NTM: variants seen among roughly 807,000 people sequenced by gnomAD.
NTM encodes IgLON family member 2.
NTM carries 13 observed loss-of-function variants against 42.1 expected under a neutral mutation model. The observed-to-expected ratio is 0.31, with a 90% CI of 0.20 to 0.49. The LOEUF (loss-of-function observed/expected upper bound fraction) is 0.49, where lower values mean the gene tolerates loss of function less well. Ranked by LOEUF, NTM falls within the 20% of genes least tolerant of loss-of-function variation. NTM has a pLI of 0.99. For synonymous variants in NTM, 187 were observed against 179.2 expected (o/e 1.04, Z -0.35); for missense variants, 373 against 452.8 (o/e 0.82, Z 1.60).
At chr11:132,270,653 AT>A (rs56926246) in intron 4 of NTM, among the ~76,000 whole-genome samples, 121 of 147,614 alleles carry the variant, frequency 8.2e-4, no homozygotes, top group Middle Eastern at 3.5e-3. Context: ...ATTTATTTTT[AT>A]TTTTTTTTTT....
At chr11:132,215,201 G>A (rs537298331) in intron 4 of NTM, among the ~76,000 whole-genome samples, 1 of 152,204 alleles carries the variant, frequency 6.6e-6, no homozygotes. Context: ...GTCATTCTTC[G>A]AGGGTAGATC....
At chr11:131,586,086 C>T (rs933597400) in intron 1 of NTM, among the ~76,000 whole-genome samples, 6 of 152,012 alleles carry the variant, frequency 3.9e-5, no homozygotes, top group Non-Finnish European at 7.4e-5. Context: ...AGTGTGTTAG[C>T]CTTTTAAAAC....
At chr11:132,321,457 C>G (rs540809084) in intron 7 of NTM, among the ~76,000 whole-genome samples, 22 of 151,656 alleles carry the variant, frequency 1.5e-4, no homozygotes, top group Non-Finnish European at 2.9e-4. Context: ...TGAAATGAAG[C>G]GAGAAGGAAA....
intron 1 of NTM, among the ~76,000 whole-genome samples, chr11:131,789,806 A>T (rs975225450): frequency 6.7e-6 from 1 of 150,070 alleles, no homozygotes; most frequent in Admixed American, 6.6e-5. Flanking sequence ...AATACAAAAA[A>T]TTAGCCGGGT....
intron 1 of NTM, among the ~76,000 whole-genome samples, chr11:131,791,947 A>C (rs553523083): frequency 2.0e-5 from 3 of 152,330 alleles, no homozygotes; most frequent in African/African-American, 7.2e-5. Context: ...GTTTGTCATA[A>C]GCCTAAGGTT....
intron 3 of NTM, among the ~76,000 whole-genome samples, chr11:132,179,431 GGA>G (rs1566394741): frequency 6.6e-6 from 1 of 152,070 alleles, no homozygotes; most frequent in African/African-American, 2.4e-5. Context: ...ACGTGTGTGT[GGA>G]GAGAGAGACA....
intron 1 of NTM, among the ~76,000 whole-genome samples, chr11:131,640,898 C>G (rs2065048676): frequency 6.6e-6 from 1 of 152,166 alleles, no homozygotes; most frequent in South Asian, 2.1e-4. Context: ...TCTTTGCTCA[C>G]CAGGCTACAG....
intron 1 of NTM, among the ~76,000 whole-genome samples, chr11:131,574,222 A>G (rs1469349147): frequency 6.6e-6 from 1 of 152,074 alleles, no homozygotes; most frequent in Non-Finnish European, 1.5e-5. Context: ...GTTATAGTGA[A>G]CCATTCAGGG....
intron 1 of NTM, among the ~76,000 whole-genome samples, chr11:131,381,101 C>G (rs143392699): frequency 6.6e-6 from 1 of 152,128 alleles, no homozygotes; most frequent in Non-Finnish European, 1.5e-5. Context: ...TAATGGTGAA[C>G]TGCTCAGATC....
At chr11:132,267,321 A>G (rs185907980) in intron 4 of NTM, among the ~76,000 whole-genome samples, 1 of 152,314 alleles carries the variant, frequency 6.6e-6, no homozygotes, top group African/African-American at 2.4e-5. Context: ...TCATCGGAAG[A>G]CATGCTATCA....
At chr11:132,221,466 G>T (rs79926368) in intron 4 of NTM, among the ~76,000 whole-genome samples, 226 of 152,258 alleles carry the variant, frequency 1.5e-3, no homozygotes, top group African/African-American at 5.0e-3. Flanking sequence ...TGCAGACGTG[G>T]GTTCCAAGCC....
intron 1 of NTM, among the ~76,000 whole-genome samples, chr11:131,546,000 C>T (rs544681664): frequency 6.6e-6 from 1 of 152,192 alleles, no homozygotes; most frequent in South Asian, 2.1e-4. Context: ...GGGAGGGGGA[C>T]CTTTACATGT....
At chr11:132,260,581 A>C (rs2139527780) in intron 4 of NTM, among the ~76,000 whole-genome samples, 1 of 152,342 alleles carries the variant, frequency 6.6e-6, no homozygotes, top group African/African-American at 2.4e-5. Flanking sequence ...ACTCAGTGTT[A>C]AGCTGAAATT....
chr11:132,317,784 T>TAA (rs2095469788), intron 7 of NTM: 23 of 695,312 alleles, frequency 3.3e-5, no homozygotes, highest in South Asian at 3.2e-4. Flanking sequence ...CACTTGTCTG[T>TAA]AAAGTGTCTT....
chr11:131,902,466 T>C (rs1327269616), intron 1 of NTM, among the ~76,000 whole-genome samples: 2 of 152,178 alleles, frequency 1.3e-5, no homozygotes, highest in Admixed American at 6.5e-5. Context: ...AACTAAACAT[T>C]TAGAACCTTA....
intron 1 of NTM, among the ~76,000 whole-genome samples, chr11:131,625,023 T>A (rs1029580477): frequency 6.6e-6 from 1 of 152,224 alleles, no homozygotes; most frequent in African/African-American, 2.4e-5. Context: ...GGGTTGTAAG[T>A]AACAACCTCA....
At position 132,030,790 on chromosome 11, in the gene NTM, G is replaced by A. The variant is rs552490277; in HGVS notation, c.168-115492G>A. ...AAGGGAGAAGAAGCAGGAGATGAGAGCAGAGAGATAGTGGGAAGCTAGATC... is the reference window on the plus strand; with the variant it reads ...AAGGGAGAAGAAGCAGGAGATGAGAACAGAGAGATAGTGGGAAGCTAGATC... On this transcript the variant is annotated intron_variant, in intron 2 of 8. Coordinates refer to ENST00000683400, the MANE Select transcript of NTM (RefSeq NM_001352005.2). Among the ~76,000 whole-genome samples the A allele has an allele frequency of 4.6e-5, 7 of 152,284 alleles. No homozygotes were observed. In the South Asian group the frequency reaches 1.5e-3, roughly 32 times the overall value.
At chr11:132,069,126 G>A (rs190813371) in intron 2 of NTM, among the ~76,000 whole-genome samples, 5 of 151,774 alleles carry the variant, frequency 3.3e-5, no homozygotes, top group East Asian at 1.9e-4. Context: ...TAGTTTACAC[G>A]TCACACAGCC....
intron 1 of NTM, among the ~76,000 whole-genome samples, chr11:131,688,208 C>G (rs789530): frequency 0.16 from 24,285 of 152,162 alleles, 2,141 homozygotes; most frequent in South Asian, 0.23. Flanking sequence ...GCTGCCTCCA[C>G]CGAGCTGGAG....
Sources: gnomAD v4.1 joint callset for allele counts (sites outside exome capture counted in the v4.1 genomes callset) on GRCh38, gnomAD v4.1.1 for gene constraint, MANE v1.5 for transcripts, NCBI Gene and HGNC (gene_info 2026-07-23, HGNC 2026-07-21) for gene names.